The following KDM5A variants were observed in gnomAD, a reference collection of about 807,000 sequenced individuals.
KDM5A encodes lysine demethylase 5A.
Under a neutral mutation model 193.5 loss-of-function variants are expected in KDM5A, and 42 were observed. That is an observed-to-expected ratio of 0.22 (90% CI 0.17 to 0.28). KDM5A has a LOEUF of 0.28. Ranked by LOEUF, KDM5A falls within the 10% of genes least tolerant of loss-of-function variation. The pLI is 1.00. For synonymous variants in KDM5A, 796 were observed against 718.1 expected (o/e 1.11, Z -1.73); for missense variants, 1,692 against 2,055.1 (o/e 0.82, Z 3.42).
intron 3 of KDM5A, among the ~76,000 whole-genome samples, chr12:383,005 A>G (rs1192153771): frequency 6.6e-6 from 1 of 151,234 alleles, no homozygotes; most frequent in Non-Finnish European, 1.5e-5. Context: ...TTTTTTTTTC[A>G]CATTAGGGAA....
chr12:385,181 GAAA>G (rs199833232), intron 2 of KDM5A, among the ~76,000 whole-genome samples: 2 of 93,760 alleles, frequency 2.1e-5, no homozygotes, highest in Non-Finnish European at 4.3e-5. Flanking sequence ...AGACTCTCTG[GAAA>G]AAAAAAAAAA....
chr12:379,190 T>C (rs1424997485), intron 3 of KDM5A, among the ~76,000 whole-genome samples: 1 of 151,896 alleles, frequency 6.6e-6, no homozygotes, highest in Non-Finnish European at 1.5e-5. Context: ...AAAAACTTAA[T>C]AGATGCCAAC....
intron 10 of KDM5A, among the ~76,000 whole-genome samples, chr12:336,658 C>G (rs1943937175): frequency 6.6e-6 from 1 of 151,832 alleles, no homozygotes; most frequent in South Asian, 2.1e-4. Context: ...CTGGCCAACA[C>G]CGTGAAATCC....
intron 3 of KDM5A, among the ~76,000 whole-genome samples, chr12:381,331 A>G (rs1031967435): frequency 6.6e-6 from 1 of 151,848 alleles, no homozygotes; most frequent in South Asian, 2.1e-4. Context: ...GCTGGTCTCA[A>G]AAACTCCTGA....
chr12:343,946 G>C (rs1034166958), intron 10 of KDM5A, among the ~76,000 whole-genome samples: 2 of 152,016 alleles, frequency 1.3e-5, no homozygotes, highest in African/African-American at 4.8e-5. Flanking sequence ...GGTTCAGAAG[G>C]TCAGTAAAAA....
intron 10 of KDM5A, among the ~76,000 whole-genome samples, chr12:348,888 C>G (rs1163532058): frequency 1.3e-5 from 2 of 150,468 alleles, no homozygotes; most frequent in African/African-American, 4.9e-5. Flanking sequence ...GCACATGTAC[C>G]CTAGAACTTA....
At chr12:386,005 A>C (rs749506991) in intron 1 of KDM5A, 31 bp from the exon 2 acceptor site, 1 of 1,543,422 alleles carries the variant, frequency 6.5e-7, no homozygotes, top group Non-Finnish European at 9.0e-7. Flanking sequence ...AAAAAAACAC[A>C]GTGGTATGTA....
chr12:312,165 C>T (rs781227932), intron 20 of KDM5A, among the ~76,000 whole-genome samples: 4 of 152,288 alleles, frequency 2.6e-5, no homozygotes, highest in Admixed American at 1.3e-4. Context: ...TGCTGCTTAA[C>T]GGTTTTTATG....
chr12:328,807 AC>A (rs1943825513), intron 14 of KDM5A, 27 bp downstream of exon 14: 1 of 1,607,868 alleles, frequency 6.2e-7, no homozygotes, highest in Non-Finnish European at 8.5e-7. Context: ...GCAGTATCAA[AC>A]ATAGAAAATG....
chr12:290,857 A>G (rs1359974584), intron 27 of KDM5A, among the ~76,000 whole-genome samples: 1 of 152,214 alleles, frequency 6.6e-6, no homozygotes, highest in African/African-American at 2.4e-5. Flanking sequence ...AATAAGACGA[A>G]AGGCTCATGA....
At chr12:300,470 A>G (rs987313351) in intron 24 of KDM5A, among the ~76,000 whole-genome samples, 3 of 152,146 alleles carry the variant, frequency 2.0e-5, no homozygotes, top group Non-Finnish European at 2.9e-5. Flanking sequence ...AAATAAAGAC[A>G]TTCTTTGAAA....
chr12:388,498 T>A (rs1944676311), intron 1 of KDM5A: 2 of 361,700 alleles, frequency 5.5e-6, no homozygotes, highest in East Asian at 1.4e-4. Context: ...AGAGCTCAGA[T>A]AACCTTTTCA....
chr12:317,973 C>A, intron 19 of KDM5A, 133 bp downstream of exon 19: 1 of 693,724 alleles, frequency 1.4e-6, no homozygotes, highest in Non-Finnish European at 2.5e-6. Flanking sequence ...TTAACTAATG[C>A]TACTTATACA....
chr12:329,260 T>C, intron 13 of KDM5A: 2 of 553,876 alleles, frequency 3.6e-6, no homozygotes, highest in East Asian at 3.1e-5. Flanking sequence ...GCTAAATTTC[T>C]GGCCTAAACT....
intron 19 of KDM5A, among the ~76,000 whole-genome samples, chr12:315,794 AAGGAGGAGGCT>A (rs1943644557): frequency 6.6e-6 from 1 of 152,152 alleles, no homozygotes. Flanking sequence ...TAAAGAAACA[AAGGAGGAGGCT>A]ATGAGAAGAC....
chr12:385,842 A>G, intron 2 of KDM5A, 55 bp downstream of exon 2: 2 of 1,368,942 alleles, frequency 1.5e-6, no homozygotes, highest in Non-Finnish European at 2.1e-6. Context: ...TTCTCTACCT[A>G]CAGCCCTAAT....
chr12:380,396 C>A (rs535485953), intron 3 of KDM5A, among the ~76,000 whole-genome samples: 2 of 151,918 alleles, frequency 1.3e-5, no homozygotes, highest in South Asian at 4.2e-4. Flanking sequence ...TAGCAAATTC[C>A]TTAGGGTATT....
chr12:383,754 CTT>C (rs999858391), intron 3 of KDM5A, among the ~76,000 whole-genome samples: 1 of 145,560 alleles, frequency 6.9e-6, no homozygotes, highest in African/African-American at 2.5e-5. Flanking sequence ...TTTCATTGTC[CTT>C]TTTTTTTTTG....
intron 24 of KDM5A, among the ~76,000 whole-genome samples, chr12:300,513 C>T (rs1943428905): frequency 6.6e-6 from 1 of 152,216 alleles, no homozygotes; most frequent in Non-Finnish European, 1.5e-5. Context: ...ATACCAGAAT[C>T]TCTGGGACAC....
Sources: gnomAD v4.1 joint callset for allele counts (sites outside exome capture counted in the v4.1 genomes callset) on GRCh38, gnomAD v4.1.1 for gene constraint, MANE v1.5 for transcripts, NCBI Gene and HGNC (gene_info 2026-07-23, HGNC 2026-07-21) for gene names.